FMR1NB: variants seen among roughly 807,000 people sequenced by gnomAD.
The protein encoded by FMR1NB is FMR1 neighbor.
In FMR1NB, 10 loss-of-function variants were observed where a neutral mutation model predicts 16.8. The ratio of observed to expected loss-of-function variants is 0.60; its 90% CI spans 0.37 to 1.01. FMR1NB has a LOEUF of 1.01. Ranked by LOEUF, FMR1NB falls within the 50% of genes least tolerant of loss-of-function variation. The pLI, the probability that FMR1NB is intolerant of heterozygous loss-of-function variation, is 0.01. For missense variants in FMR1NB, 205 were observed against 204.8 expected, an observed-to-expected ratio of 1.00 and a Z score of 0.00; for synonymous variants, 83 against 79.1, an observed-to-expected ratio of 1.05 and a Z score of -0.26.
intron 1 of FMR1NB, among the ~76,000 whole-genome samples, chrX:147,993,260 G>A (rs1156922107): frequency 8.9e-6 from 1 of 112,583 alleles, no homozygotes; most frequent in African/African-American, 3.2e-5. Context: ...ACCAAAACCA[G>A]TCAGGCGTGG....
At chrX:147,984,924 T>A (rs782287000) in intron 1 of FMR1NB, among the ~76,000 whole-genome samples, 1 of 112,356 alleles carries the variant, frequency 8.9e-6, no homozygotes, top group African/African-American at 3.2e-5. Flanking sequence ...CAGATGCTTT[T>A]TTTGCATCAA....
At chrX:148,005,534 G>A (rs1470685286) in intron 2 of FMR1NB, among the ~76,000 whole-genome samples, 1 of 111,827 alleles carries the variant, frequency 8.9e-6, no homozygotes, top group Non-Finnish European at 1.9e-5. Flanking sequence ...ACAACAAGTA[G>A]GATAAACTCT....
chrX:148,023,561 A>G (rs1157389041), intron 4 of FMR1NB, among the ~76,000 whole-genome samples: 1 of 111,810 alleles, frequency 8.9e-6, no homozygotes, highest in Admixed American at 9.5e-5. Context: ...AGGTCCTGGT[A>G]TCTTCTTCTG....
chrX:148,008,015 C>A (rs193150776), intron 3 of FMR1NB: 2 of 112,034 alleles, frequency 1.8e-5, no homozygotes, highest in African/African-American at 6.5e-5. Flanking sequence ...ATGCATTTTC[C>A]GATGAATATA....
intron 1 of FMR1NB, among the ~76,000 whole-genome samples, chrX:147,989,345 A>T (rs1283689912): frequency 8.9e-6 from 1 of 112,006 alleles, no homozygotes; most frequent in East Asian, 2.8e-4. Context: ...CAGAACAGCA[A>T]AGATTGCTTT....
chrX:147,993,176 A>G (rs2044522682), intron 1 of FMR1NB, among the ~76,000 whole-genome samples: 1 of 113,027 alleles, frequency 8.8e-6, no homozygotes, highest in Non-Finnish European at 1.9e-5. Context: ...GCACCTCGGG[A>G]GGCCGAGGTT....
chrX:148,019,836 G>C (rs1261443615), intron 4 of FMR1NB, among the ~76,000 whole-genome samples: 1 of 111,905 alleles, frequency 8.9e-6, no homozygotes, highest in Admixed American at 9.4e-5. Context: ...CCACCACTGG[G>C]ACTGCACTAG....
chrX:148,013,309 C>T (rs2044634212), intron 4 of FMR1NB, among the ~76,000 whole-genome samples: 1 of 111,388 alleles, frequency 9.0e-6, no homozygotes, highest in Non-Finnish European at 1.9e-5. Context: ...AATGAAGTGT[C>T]CTTTTCTCAA....
chrX:148,020,168 C>G (rs1461093524), intron 4 of FMR1NB, among the ~76,000 whole-genome samples: 4 of 106,927 alleles, frequency 3.7e-5, no homozygotes, highest in Non-Finnish European at 7.7e-5. Context: ...CAGAAGAGCC[C>G]TACCTTGTGG....
chrX:147,981,954 C>T (rs949183139), intron 1 of FMR1NB, among the ~76,000 whole-genome samples: 18 of 111,544 alleles, frequency 1.6e-4, no homozygotes, highest in Middle Eastern at 4.2e-3. Context: ...CCCTTCCTCA[C>T]TTCCCGCCAC....
rs377733498 is a variant in FMR1NB, at chrX:148,006,851, T to C, written c.538+9T>C. The C allele has an allele frequency of 4.7e-5, 56 of 1,195,102 alleles. No individual in the cohort carries two copies. The highest frequency in any genetic ancestry group is 6.0e-5 in the Non-Finnish European group (53 of 887,685). Reference sequence around the variant, plus strand: ...TGCTCCATTTAGAGATGGTAAGTTATTCCTCTTTCATTTATTTCTATTTTT... The same window carrying C: ...TGCTCCATTTAGAGATGGTAAGTTACTCCTCTTTCATTTATTTCTATTTTT... On this transcript the variant is annotated intron_variant, in intron 3 of 5. Coordinates refer to ENST00000370467, the MANE Select transcript of FMR1NB (RefSeq NM_152578.3).
At chrX:148,011,121 G>A (rs369481985) in intron 4 of FMR1NB, among the ~76,000 whole-genome samples, 4 of 110,428 alleles carry the variant, frequency 3.6e-5, no homozygotes, top group East Asian at 2.9e-4. Flanking sequence ...AAAATTAGCC[G>A]GGCATGGTGA....
intron 1 of FMR1NB, among the ~76,000 whole-genome samples, chrX:147,987,221 G>A (rs1453610711): frequency 9.0e-6 from 1 of 111,643 alleles, no homozygotes; most frequent in Non-Finnish European, 1.9e-5. Flanking sequence ...GAGTTTTGGG[G>A]CTGAGACGAT....
At chrX:148,001,682 G>T (rs185118282) in intron 1 of FMR1NB, among the ~76,000 whole-genome samples, 2 of 110,288 alleles carry the variant, frequency 1.8e-5, no homozygotes, top group African/African-American at 6.6e-5. Context: ...CCAGGAAGGC[G>T]GAGGTTGCAG....
At chrX:148,014,334 G>T (rs1415236313) in intron 4 of FMR1NB, among the ~76,000 whole-genome samples, 1 of 111,622 alleles carries the variant, frequency 9.0e-6, no homozygotes, top group Admixed American at 9.5e-5. Context: ...CATATACCTG[G>T]ACTCCTAATC....
intron 1 of FMR1NB, among the ~76,000 whole-genome samples, chrX:147,985,471 C>T (rs2044471589): frequency 9.0e-6 from 1 of 110,885 alleles, no homozygotes; most frequent in African/African-American, 3.3e-5. Context: ...CTCCCCTTTC[C>T]CCCAACCCCT....
chrX:147,991,647 C>CTTTTTTTTTTTTTTTTTTTTTTTT (rs782065632), intron 1 of FMR1NB, among the ~76,000 whole-genome samples: 5 of 87,373 alleles, frequency 5.7e-5, no homozygotes, highest in African/African-American at 2.4e-4. Context: ...GGCCTTCCTT[C>CTTTTTTTTTTTTTTTTTTTTTTTT]TTTTTTTTTT....
intron 4 of FMR1NB, among the ~76,000 whole-genome samples, chrX:148,023,797 ATAAGG>A (rs1557190783): frequency 8.9e-6 from 1 of 111,745 alleles, no homozygotes; most frequent in East Asian, 2.8e-4. Context: ...ATAAAAAGTG[ATAAGG>A]TAAGGTTCCA....
At position 147,982,147 on chromosome X, in the gene FMR1NB, G is replaced by C. The variant is rs1251746649; in HGVS notation, c.277+468G>C. Among the ~76,000 whole-genome samples the C allele has an allele frequency of 3.6e-5, 4 of 111,204 alleles. No individual in the cohort carries two copies. In the East Asian group the frequency reaches 8.5e-4, roughly 24 times the overall value. On this transcript the variant is annotated intron_variant, in intron 1 of 5. Coordinates refer to ENST00000370467, the MANE Select transcript of FMR1NB (RefSeq NM_152578.3). ...CCTACTAAAAATACAAAAATTAGCCGGGCATGGTGGTGCACGCCTGTAATC... is the reference window on the plus strand; with the variant it reads ...CCTACTAAAAATACAAAAATTAGCCCGGCATGGTGGTGCACGCCTGTAATC...
Sources: gnomAD v4.1 joint callset for allele counts (sites outside exome capture counted in the v4.1 genomes callset) on GRCh38, gnomAD v4.1.1 for gene constraint, MANE v1.5 for transcripts, NCBI Gene and HGNC (gene_info 2026-07-23, HGNC 2026-07-21) for gene names.